Variants in RPA1 observed in about 807,000 individuals in gnomAD.
RPA1 encodes the protein replication protein A 70 kDa DNA-binding subunit.
Under a neutral mutation model 83.0 loss-of-function variants are expected in RPA1, and 49 were observed. That is an observed-to-expected ratio of 0.59 (90% CI 0.47 to 0.75). RPA1 has a LOEUF of 0.75. Ranked by LOEUF, RPA1 falls within the 30% of genes least tolerant of loss-of-function variation. The probability of loss-of-function intolerance (pLI) is 0.00; values close to 1 mark genes in which losing one functional copy is unlikely to be tolerated. For missense variants in RPA1, 693 were observed against 776.1 expected (o/e 0.89, Z 1.27); for synonymous variants, 279 against 281.8 (o/e 0.99, Z 0.10).
intron 8 of RPA1, among the ~76,000 whole-genome samples, chr17:1,878,035 A>G (rs1913634471): frequency 6.6e-6 from 1 of 152,202 alleles, no homozygotes; most frequent in Admixed American, 6.5e-5. Flanking sequence ...GTTCGAGACC[A>G]GCCTGGCCAA....
At chr17:1,888,616 C>T (rs1472835271) in intron 13 of RPA1, 59 bp from the exon 14 acceptor site, 21 of 1,539,964 alleles carry the variant, frequency 1.4e-5, no homozygotes, top group African/African-American at 9.6e-5. Flanking sequence ...AGCTGCCTCT[C>T]GGTCCGATCC....
At chr17:1,874,024 T>TAA in intron 6 of RPA1, among the ~76,000 whole-genome samples, 1 of 111,104 alleles carries the variant, frequency 9.0e-6, no homozygotes, top group Admixed American at 9.4e-5. Context: ...TATATATATA[T>TAA]ATATATATAC....
At chr17:1,894,987 A>G in intron 15 of RPA1, 22 bp from the exon 16 acceptor site, 1 of 1,604,124 alleles carries the variant, frequency 6.2e-7, no homozygotes. Context: ...CCATGTGTCA[A>G]GTTTTATGTT....
intron 1 of RPA1, among the ~76,000 whole-genome samples, chr17:1,839,215 A>G (rs1215135606): frequency 6.6e-6 from 1 of 152,168 alleles, no homozygotes; most frequent in African/African-American, 2.4e-5. Flanking sequence ...CTGGAATGTC[A>G]ATTGATTTCT....
At chr17:1,843,808 G>T in intron 2 of RPA1, 112 bp from the exon 3 acceptor site, 1 of 741,240 alleles carries the variant, frequency 1.3e-6, no homozygotes. Flanking sequence ...AAGAGAATGG[G>T]CAAACAGTTT....
At chr17:1,859,926 C>T (rs1278969605) in intron 5 of RPA1, among the ~76,000 whole-genome samples, 13 of 152,244 alleles carry the variant, frequency 8.5e-5, no homozygotes, top group Non-Finnish European at 2.9e-5. Flanking sequence ...GATTCTCCTG[C>T]CTCAGCCTCC....
rs760596122 is a variant in RPA1 at position 1,877,234 on chromosome 17, A to G, written c.610A>G (p.Thr204Ala). Residue 204 changes from threonine to alanine, a missense_variant, in exon 8 of 17, where the codon ACC (threonine) becomes GCC (alanine). By Grantham distance (58) the Thr-to-Ala change is moderately conservative. Transcript: ENST00000254719. ...QSKWTICARV[T>A]NKSQIRTWSN... ...TAGGTGGACCATTTGTGCTCGTGTT[A>G]CCAACAAAAGTCAGATCCGTACCTG... 131 of 1,614,078 alleles carry G rather than the reference A, an allele frequency of 8.1e-5. No individual in the cohort carries two copies. Among genetic ancestry groups the G allele is most frequent in the Non-Finnish European group, 1.1e-4 (129 of 1,180,046 alleles).
chr17:1,866,455 C>G (rs1913177994), intron 5 of RPA1, among the ~76,000 whole-genome samples: 1 of 152,020 alleles, frequency 6.6e-6, no homozygotes, highest in South Asian at 2.1e-4. Context: ...GCTGGGACCA[C>G]AGGAGCCCAC....
intron 4 of RPA1, among the ~76,000 whole-genome samples, chr17:1,850,427 C>T (rs1912448797): frequency 6.6e-6 from 1 of 151,176 alleles, no homozygotes; most frequent in Non-Finnish European, 1.5e-5. Flanking sequence ...GTCCCAGCTA[C>T]TCGGGAGGCT....
At chr17:1,862,906 CGA>C (rs1913037805) in intron 5 of RPA1, among the ~76,000 whole-genome samples, 5 of 149,432 alleles carry the variant, frequency 3.3e-5, no homozygotes, top group Non-Finnish European at 5.9e-5. Flanking sequence ...TTAGTAGAGA[CGA>C]AGTTTCACCA....
rs961454811 is a variant in RPA1, at chr17:1,830,083, G to A, written c.-11G>A. 2 of 1,250,150 alleles carry A rather than the reference G, an allele frequency of 1.6e-6. No homozygotes were observed. Among genetic ancestry groups the A allele is most frequent in the Non-Finnish European group, 2.0e-6 (2 of 988,676 alleles). The allele number at this position is 1,250,150 out of a possible 1,614,324, so 77.4% of individuals were successfully genotyped here. A position where few individuals can be genotyped will look rare whatever the true frequency, so the allele number is the denominator to read the frequency against. ...TTGCGGGGTCCGCGGGGAAGTCTTG[G>A]CGGTGGAGCCATGGTCGGCCAACTG... is the stretch of plus-strand genomic sequence containing the variant. On this transcript the variant is annotated 5_prime_UTR_variant, in exon 1 of 17. Coordinates refer to ENST00000254719, the MANE Select transcript of RPA1 (RefSeq NM_002945.5).
At chr17:1,885,348 A>G (rs1465978116) in intron 13 of RPA1, among the ~76,000 whole-genome samples, 1 of 152,132 alleles carries the variant, frequency 6.6e-6, no homozygotes, top group Non-Finnish European at 1.5e-5. Context: ...TTTTCGTCAC[A>G]TCTACAGATC....
intron 7 of RPA1, among the ~76,000 whole-genome samples, chr17:1,876,077 A>T (rs1306291705): frequency 6.6e-6 from 1 of 152,212 alleles, no homozygotes; most frequent in Non-Finnish European, 1.5e-5. Flanking sequence ...CTTAATGCTT[A>T]ATCAGTTGAT....
At chr17:1,858,013 A>G (rs901612802) in intron 5 of RPA1, 1 of 1,606,438 alleles carries the variant, frequency 6.2e-7, no homozygotes, top group African/African-American at 1.3e-5. Context: ...AATGTGTAGG[A>G]AGATGATGCT....
chr17:1,845,463 G>C (rs761560491), intron 4 of RPA1, among the ~76,000 whole-genome samples: 1 of 152,066 alleles, frequency 6.6e-6, no homozygotes, highest in African/African-American at 2.4e-5. Context: ...CTAACCCCAG[G>C]AGTTTGAGAC....
At chr17:1,883,139 A>ATT (rs768294587) in intron 12 of RPA1, among the ~76,000 whole-genome samples, 30 of 152,142 alleles carry the variant, frequency 2.0e-4, no homozygotes, top group Non-Finnish European at 3.7e-4. Context: ...TGGCCAACAG[A>ATT]GCAAGACCCC....
Position 1,891,877 on chromosome 17 carries a change from C to T in RPA1, c.1596C>T (p.Phe532=). The change falls in exon 15 of 17, where the codon TTC becomes TTT. Residue 532 remains phenylalanine, a synonymous_variant. Coordinates refer to ENST00000254719, the MANE Select transcript of RPA1 (RefSeq NM_002945.5). ...AAGAGAATCAGTGGGTGACTTGTTT[C>T]CAGGAGTCTGCTGAAGCTATCCTTG... is the stretch of plus-strand genomic sequence containing the variant. ...DFQENQWVTC[F]QESAEAILGQ... is the part of the protein sequence containing the mutation. 1 of 1,607,482 alleles carries T rather than the reference C, an allele frequency of 6.2e-7. No homozygotes were observed. Among genetic ancestry groups the T allele is most frequent in the Non-Finnish European group, 8.5e-7 (1 of 1,174,774 alleles).
chr17:1,875,896 A>G, intron 7 of RPA1, 103 bp downstream of exon 7: 1 of 1,171,620 alleles, frequency 8.5e-7, no homozygotes, highest in Non-Finnish European at 1.1e-6. Context: ...TCACCACCAA[A>G]TACCACCAAA....
Position 1,878,877 on chromosome 17 carries a change from C to T in RPA1, c.691-116C>T, listed in dbSNP as rs1913663384. The T allele has an allele frequency of 4.2e-6, 4 of 956,382 alleles. No individual in the cohort carries two copies. In the Admixed American group the frequency reaches 7.6e-5, roughly 18 times the overall value. The allele number at this position is 956,382 out of a possible 1,614,324, so 59.2% of individuals were successfully genotyped here. On this transcript the variant is annotated intron_variant, in intron 8 of 16. Transcript: ENST00000254719. ...GACCCTGTTTGTGCAAGGGCCACTG[C>T]TCTCAAGATGTCACTTTGGTGCTAG... is the stretch of plus-strand genomic sequence containing the variant.
Sources: allele counts gnomAD v4.1 joint callset (sites outside exome capture counted in the v4.1 genomes callset), GRCh38; gene constraint gnomAD v4.1.1; transcripts MANE v1.5; gene names NCBI Gene and HGNC (gene_info 2026-07-23, HGNC 2026-07-21).